OXR1: variants seen among roughly 807,000 people sequenced by gnomAD.
OXR1 encodes oxidation resistance protein 1.
Under a neutral mutation model 104.6 loss-of-function variants are expected in OXR1, and 41 were observed. That is an observed-to-expected ratio of 0.39 (90% CI 0.31 to 0.51). OXR1 has a LOEUF of 0.51. Among genes scored for constraint, OXR1 ranks in the 20% least tolerant of loss-of-function variants. The pLI, the probability that OXR1 is intolerant of heterozygous loss-of-function variation, is 0.77. For synonymous variants in OXR1, 348 were observed against 348.4 expected, an observed-to-expected ratio of 1.00 and a Z score of 0.01; for missense variants, 955 against 1,031.9, an observed-to-expected ratio of 0.93 and a Z score of 1.02.
intron 2 of OXR1, among the ~76,000 whole-genome samples, chr8:106,457,938 A>T (rs1217375595): frequency 2.0e-5 from 3 of 152,276 alleles, no homozygotes; most frequent in South Asian, 4.2e-4. Flanking sequence ...AGCTGCTTTT[A>T]ACTAGTTATA....
chr8:106,729,958 T>C (rs1833723736), intron 11 of OXR1: 1 of 152,184 alleles, frequency 6.6e-6, no homozygotes, highest in South Asian at 2.1e-4. Flanking sequence ...AGAACTAGAA[T>C]ATCACTAATG....
intron 8 of OXR1, among the ~76,000 whole-genome samples, chr8:106,703,425 A>T (rs1402641107): frequency 6.6e-6 from 1 of 152,140 alleles, no homozygotes; most frequent in African/African-American, 2.4e-5. Context: ...CTGTTGGGAT[A>T]ATTTTCAAAT....
intron 1 of OXR1, among the ~76,000 whole-genome samples, chr8:106,358,249 A>G (rs756450819): frequency 8.5e-5 from 13 of 152,192 alleles, no homozygotes; most frequent in Non-Finnish European, 1.9e-4. Context: ...GAGTTGCCAT[A>G]TATGCCTTGG....
At chr8:106,484,957 A>G (rs1822359692) in intron 2 of OXR1, among the ~76,000 whole-genome samples, 1 of 152,084 alleles carries the variant, frequency 6.6e-6, no homozygotes, top group Admixed American at 6.6e-5. Flanking sequence ...ATGGATAAAT[A>G]AACTGTAATA....
chr8:106,520,831 C>T (rs1180998968), intron 3 of OXR1, among the ~76,000 whole-genome samples: 1 of 152,148 alleles, frequency 6.6e-6, no homozygotes, highest in African/African-American at 2.4e-5. Flanking sequence ...GCAAATAAAG[C>T]TTATCCTACA....
At chr8:106,433,315 A>G (rs1819438820) in intron 2 of OXR1, among the ~76,000 whole-genome samples, 1 of 152,160 alleles carries the variant, frequency 6.6e-6, no homozygotes, top group East Asian at 1.9e-4. Flanking sequence ...TGATTCATCC[A>G]GTTCAGGGTC....
At chr8:106,327,518 G>A (rs942343653) in intron 1 of OXR1, among the ~76,000 whole-genome samples, 1 of 152,144 alleles carries the variant, frequency 6.6e-6, no homozygotes, top group Non-Finnish European at 1.5e-5. Flanking sequence ...CTGATACAAT[G>A]CATAATTCAT....
intron 2 of OXR1, among the ~76,000 whole-genome samples, chr8:106,503,265 T>C (rs1811928352): frequency 6.6e-6 from 1 of 152,340 alleles, no homozygotes; most frequent in Middle Eastern, 3.4e-3. Flanking sequence ...TTAATAAAGA[T>C]ACACTACATC....
intron 2 of OXR1, among the ~76,000 whole-genome samples, chr8:106,407,337 G>A (rs1349660900): frequency 6.6e-6 from 1 of 152,130 alleles, no homozygotes; most frequent in Non-Finnish European, 1.5e-5. Context: ...ATTTTCCCCA[G>A]AGGGGCATTA....
chr8:106,726,047 C>T (rs1587253704), intron 11 of OXR1: 1 of 700,162 alleles, frequency 1.4e-6, no homozygotes, highest in Non-Finnish European at 2.1e-6. Flanking sequence ...TTACAGCCTC[C>T]ACTCAGGACT....
intron 3 of OXR1, among the ~76,000 whole-genome samples, chr8:106,678,790 T>A (rs1044760076): frequency 6.7e-6 from 1 of 149,044 alleles, no homozygotes; most frequent in East Asian, 1.9e-4. Flanking sequence ...TGTAGAAAAA[T>A]TTTTTCCTGT....
chr8:106,490,861 G>A (rs72680913), intron 2 of OXR1, among the ~76,000 whole-genome samples: 1 of 152,194 alleles, frequency 6.6e-6, no homozygotes, highest in Admixed American at 6.5e-5. Flanking sequence ...CGTGTGTGGA[G>A]GGGGGAGCTG....
rs968630580 is a variant in OXR1 at position 106,652,139 on chromosome 8, T to C, written c.221-27071T>C. ...AAACATCTTGTGCTGGCACTGGTGA[T>C]CTTTGGGAGTGTAACATCAGCTTGA... is the stretch of plus-strand genomic sequence containing the variant. On this transcript the variant is annotated intron_variant, in intron 3 of 16. Coordinates refer to ENST00000517566, the MANE Select transcript of OXR1 (RefSeq NM_001198533.2). 5.3e-5 allele frequency among the ~76,000 whole-genome samples: 8 copies of C among 152,216 alleles called. No individual in the cohort carries two copies. In the East Asian group the frequency reaches 1.5e-3, roughly 29 times the overall value.
At chr8:106,409,867 A>G (rs1250307777) in intron 2 of OXR1, among the ~76,000 whole-genome samples, 1 of 152,182 alleles carries the variant, frequency 6.6e-6, no homozygotes, top group Admixed American at 6.6e-5. Context: ...TCCTTAGAGA[A>G]TCATTTTGCA....
chr8:106,492,085 A>G (rs1347024128), intron 2 of OXR1, among the ~76,000 whole-genome samples: 1 of 152,196 alleles, frequency 6.6e-6, no homozygotes, highest in Non-Finnish European at 1.5e-5. Flanking sequence ...GGTCCAGACA[A>G]CTGAAAGATA....
intron 1 of OXR1, among the ~76,000 whole-genome samples, chr8:106,288,523 T>C (rs1483265579): frequency 9.9e-6 from 1 of 101,122 alleles, no homozygotes; most frequent in Admixed American, 9.2e-5. Flanking sequence ...TGTGTATATA[T>C]ATATGTATGT....
In OXR1 at chr8:106,284,608, A is replaced by G. The variant is rs140597278; in HGVS notation, c.-139+14241A>G. Among the ~76,000 whole-genome samples the G allele has an allele frequency of 8.6e-3, 1,314 of 152,318 alleles. 12 individuals are homozygous for G. Among genetic ancestry groups the G allele is most frequent in the African/African-American group, 0.028 (1,176 of 41,570 alleles). Reference sequence around the variant, plus strand: ...ACATAATGGACATGATACATATACCATAATACATATACAACATTACAAATA... The same window carrying G: ...ACATAATGGACATGATACATATACCGTAATACATATACAACATTACAAATA... On this transcript the variant is annotated intron_variant, in intron 1 of 16. Coordinates refer to ENST00000517566, the MANE Select transcript of OXR1 (RefSeq NM_001198533.2).
intron 3 of OXR1, among the ~76,000 whole-genome samples, chr8:106,555,319 T>C (rs7846595): frequency 0.21 from 31,942 of 152,032 alleles, 3,475 homozygotes; most frequent in East Asian, 0.39. Flanking sequence ...TGGTCCAGGA[T>C]CATGAGCATT....
intron 3 of OXR1, among the ~76,000 whole-genome samples, chr8:106,577,192 G>GT (rs574338615): frequency 7.0e-4 from 105 of 149,892 alleles, no homozygotes; most frequent in Middle Eastern, 3.4e-3. Context: ...AAAGCTATCC[G>GT]TTTTTTTTGT....
Sources: gnomAD v4.1 joint callset for allele counts (sites outside exome capture counted in the v4.1 genomes callset) on GRCh38, gnomAD v4.1.1 for gene constraint, MANE v1.5 for transcripts, NCBI Gene and HGNC (gene_info 2026-07-23, HGNC 2026-07-21) for gene names.